ABAT: variants seen among roughly 807,000 people sequenced by gnomAD.
ABAT encodes 4-aminobutyrate aminotransferase, also known as 4-aminobutyrate aminotransferase, mitochondrial.
A neutral mutation model predicts 64.6 loss-of-function variants in ABAT; 45 were observed. The ratio of observed to expected loss-of-function variants is 0.70; its 90% CI spans 0.55 to 0.89. The LOEUF (loss-of-function observed/expected upper bound fraction) is 0.89. ABAT is among the 40% of genes least tolerant of loss of function. The probability of loss-of-function intolerance (pLI) is 0.00; values close to 1 mark genes in which losing one functional copy is unlikely to be tolerated. For missense variants in ABAT, 633 were observed against 658.4 expected (o/e 0.96, Z 0.42); for synonymous variants, 297 against 250.5 (o/e 1.19, Z -1.75).
At chr16:8,695,513 G>A (rs989976166) in intron 1 of ABAT, among the ~76,000 whole-genome samples, 6 of 152,170 alleles carry the variant, frequency 3.9e-5, no homozygotes, top group African/African-American at 1.2e-4. Context: ...GGCAAGAATA[G>A]GATGAGTTTT....
At chr16:8,705,052 A>G (rs1048754382) in intron 1 of ABAT, among the ~76,000 whole-genome samples, 1 of 152,116 alleles carries the variant, frequency 6.6e-6, no homozygotes, top group African/African-American at 2.4e-5. Context: ...TGCATTAGCT[A>G]AATTTCTAGA....
At position 8,737,991 on chromosome 16, in the gene ABAT, G is replaced by GGAAGAAAGAAAGAAAGAAAGAAAGAAA. The variant is rs1567295685; in HGVS notation, c.70+2185_70+2186insGAAAGAAAGAAAGAAAGAAAGAAAGAA. Among the ~76,000 whole-genome samples the GGAAGAAAGAAAGAAAGAAAGAAAGAAA allele has an allele frequency of 4.4e-3, 65 of 14,940 alleles. 10 individuals are homozygous for GGAAGAAAGAAAGAAAGAAAGAAAGAAA. The highest frequency in any genetic ancestry group is 7.7e-3 in the East Asian group (3 of 390). The allele number at this position is 14,940 out of a possible 152,430, so 9.8% of individuals were successfully genotyped here. ...AAGGAAGGAAGGAAGGAAGGAAGGA[G>GGAAGAAAGAAAGAAAGAAAGAAAGAAA]GAAAGAAAGAAAGAAAGAAAGAAAG... On this transcript the variant is annotated intron_variant, in intron 2 of 15. Coordinates refer to ENST00000268251, the MANE Select transcript of ABAT (RefSeq NM_020686.6).
chr16:8,721,557 C>A (rs1394691107), intron 1 of ABAT, among the ~76,000 whole-genome samples: 1 of 152,168 alleles, frequency 6.6e-6, no homozygotes, highest in Non-Finnish European at 1.5e-5. Flanking sequence ...CTTGAACAAG[C>A]CTTTTAGGCT....
intron 1 of ABAT, among the ~76,000 whole-genome samples, chr16:8,696,030 A>G (rs76171371): frequency 0.024 from 3,649 of 152,342 alleles, 146 homozygotes; most frequent in African/African-American, 0.083. Context: ...ATCCCGCTCC[A>G]AGGCAAGGAG....
At chr16:8,692,913 G>GTGCAATCTCAGCTCAC (rs1452524365) in intron 1 of ABAT, among the ~76,000 whole-genome samples, 1 of 152,176 alleles carries the variant, frequency 6.6e-6, no homozygotes, top group African/African-American at 2.4e-5. Context: ...GAGTGCAGTG[G>GTGCAATCTCAGCTCAC]TGCAATCTCA....
chr16:8,768,994 A>G, intron 11 of ABAT, 21 bp downstream of exon 11: 2 of 1,613,850 alleles, frequency 1.2e-6, no homozygotes, highest in South Asian at 2.2e-5. Context: ...TACCCTGCGG[A>G]TCCTCCCCAA....
intron 12 of ABAT, among the ~76,000 whole-genome samples, chr16:8,773,131 C>CACAT (rs1422620214): frequency 1.7e-4 from 24 of 137,546 alleles, no homozygotes; most frequent in Non-Finnish European, 3.5e-4. Flanking sequence ...CACACACACA[C>CACAT]ACACACACAC....
intron 1 of ABAT, among the ~76,000 whole-genome samples, chr16:8,694,414 G>A (rs1476262166): frequency 6.6e-6 from 1 of 152,034 alleles, no homozygotes; most frequent in African/African-American, 2.4e-5. Context: ...TTTTGAGACA[G>A]GGTCTTGCTC....
Position 8,757,803 on chromosome 16 carries a change from T to C in ABAT, c.363T>C (p.Asn121=), listed in dbSNP as rs1360593059. ...ALLKLIQQPQ[N]ASMFVNRPAL... ...TGAAACTCATCCAACAGCCTCAAAA[T>C]GCGGTAGGTCTTGGGGTTACACAGA... Residue 121 remains asparagine (N), a synonymous_variant, in exon 6 of 16, where the codon AAT becomes AAC. Coordinates refer to ENST00000268251, the MANE Select transcript of ABAT (RefSeq NM_020686.6). 2 of 1,613,976 alleles carry C rather than the reference T, an allele frequency of 1.2e-6. No homozygotes were observed. Among genetic ancestry groups the C allele is most frequent in the Non-Finnish European group, 1.7e-6 (2 of 1,179,878 alleles).
rs951832681 is a variant in ABAT at position 8,712,059 on chromosome 16, C to T, written c.-41-23640C>T. Among the ~76,000 whole-genome samples, 21 of 151,690 alleles carry T rather than the reference C, an allele frequency of 1.4e-4. 1 individual carries two copies. The highest frequency in any genetic ancestry group is 2.1e-4 in the Non-Finnish European group (14 of 67,936). ...CAGCCTGGCCAACATGGTGAAACACCGTCTCTACTAAAAATACAAAAATTA... is the reference window on the plus strand; with the variant it reads ...CAGCCTGGCCAACATGGTGAAACACTGTCTCTACTAAAAATACAAAAATTA... On this transcript the variant is annotated intron_variant, in intron 1 of 15. Coordinates refer to ENST00000268251, the MANE Select transcript of ABAT (RefSeq NM_020686.6).
At chr16:8,736,194 G>C (rs946317140) in intron 2 of ABAT, 2 of 221,792 alleles carry the variant, frequency 9.0e-6, no homozygotes, top group Non-Finnish European at 1.8e-5. Context: ...GCATGGGAAA[G>C]ACCCACCCCC....
chr16:8,746,148 C>G (rs746056505), intron 3 of ABAT, 50 bp downstream of exon 3: 14 of 1,450,158 alleles, frequency 9.7e-6, no homozygotes, highest in Non-Finnish European at 1.3e-5. Flanking sequence ...GAAAAAGGCG[C>G]CTAAGAAGCA....
intron 6 of ABAT, among the ~76,000 whole-genome samples, chr16:8,762,737 C>T (rs1446512477): frequency 6.6e-6 from 1 of 152,146 alleles, no homozygotes; most frequent in Non-Finnish European, 1.5e-5. Flanking sequence ...GGCCAGCTTG[C>T]TTCCACCCTA....
At chr16:8,722,981 G>A (rs2058418171) in intron 1 of ABAT, 2 of 731,464 alleles carry the variant, frequency 2.7e-6, no homozygotes, top group East Asian at 6.7e-5. Flanking sequence ...GCTCATGCCT[G>A]TAATTCCAGC....
chr16:8,738,017 G>GC (rs2059029951), intron 2 of ABAT, among the ~76,000 whole-genome samples: 2 of 34,972 alleles, frequency 5.7e-5, no homozygotes, highest in African/African-American at 3.0e-4. Flanking sequence ...AGAAAGAAAG[G>GC]AAAGAAAGAA....
rs570490857 is a variant in ABAT at position 8,768,960 on chromosome 16, G to A, written c.803G>A (p.Arg268His). 2.2e-5 allele frequency: 36 copies of A among 1,614,098 alleles called. No individual in the cohort carries two copies. Among genetic ancestry groups the A allele is most frequent in the East Asian group, 6.7e-5 (3 of 44,870 alleles). ...FVKENQQEEA[R>H]CLEEVEDLIV... ...AAAGAGAACCAACAGGAGGAGGCCC[G>A]CTGTCTGGAAGAGGTAATGCTCATA... is the stretch of plus-strand genomic sequence containing the variant. The change falls in exon 11 of 16, where the codon CGC (arginine) becomes CAC (histidine). Residue 268 changes from arginine (R) to histidine (H), a missense_variant. Coordinates refer to ENST00000268251, the MANE Select transcript of ABAT (RefSeq NM_020686.6).
At chr16:8,728,726 T>C (rs1044910497) in intron 1 of ABAT, among the ~76,000 whole-genome samples, 2 of 152,028 alleles carry the variant, frequency 1.3e-5, no homozygotes, top group Admixed American at 1.3e-4. Context: ...ATACACAAAT[T>C]AGCCAGGTGT....
At chr16:8,712,009 G>GGC (rs1555485859) in intron 1 of ABAT, among the ~76,000 whole-genome samples, 1 of 151,532 alleles carries the variant, frequency 6.6e-6, no homozygotes, top group African/African-American at 2.4e-5. Context: ...GGAGGTCGGG[G>GGC]GGGAGGGGCA....
In ABAT at chr16:8,764,234, T is replaced by C. The variant is rs2059879261; in HGVS notation, c.447+85T>C. On this transcript the variant is annotated intron_variant, in intron 7 of 15. Coordinates refer to ENST00000268251, the MANE Select transcript of ABAT (RefSeq NM_020686.6). This position sits in a 1 kb window ranked among gnomAD's most constrained non-coding sequence, Gnocchi z 4.2. ...AAGTGGAGACGCCAACAATGAAGAA[T>C]AAGGTGTTGCTACAGAAATCTTTCT... 1.8e-6 allele frequency: 2 copies of C among 1,126,492 alleles called. No homozygotes were observed. The highest frequency in any genetic ancestry group is 3.1e-5 in the African/African-American group (2 of 65,542). The allele number at this position is 1,126,492 out of a possible 1,614,324, so 69.8% of individuals were successfully genotyped here.
Sources: gnomAD v4.1 joint callset for allele counts (sites outside exome capture counted in the v4.1 genomes callset) on GRCh38, gnomAD v4.1.1 for gene constraint, Gnocchi (gnomAD v3.1) non-coding constraint, MANE v1.5 for transcripts, NCBI Gene and HGNC (gene_info 2026-07-23, HGNC 2026-07-21) for gene names.